Variants in MAD1L1 observed in about 807,000 individuals in gnomAD.
MAD1L1 encodes the protein mitotic spindle assembly checkpoint protein MAD1.
A neutral mutation model predicts 96.9 loss-of-function variants in MAD1L1; 95 were observed. That is an observed-to-expected ratio of 0.98 (90% CI 0.83 to 1.16). MAD1L1 has a LOEUF of 1.16. Among genes scored for constraint, MAD1L1 ranks in the 50% most tolerant of loss-of-function variants. MAD1L1 has a pLI of 0.00. For missense variants in MAD1L1, 1,007 were observed against 954.4 expected (o/e 1.06, Z -0.73); for synonymous variants, 473 against 396.6 (o/e 1.19, Z -2.29).
chr7:2,128,729 G>A (rs1055876009), intron 11 of MAD1L1, among the ~76,000 whole-genome samples: 3 of 152,158 alleles, frequency 2.0e-5, no homozygotes, highest in African/African-American at 4.8e-5. Flanking sequence ...GGCTCCCTCT[G>A]CCCTTCTCAC....
intron 18 of MAD1L1, among the ~76,000 whole-genome samples, chr7:1,885,142 G>T (rs746768525): frequency 6.6e-6 from 1 of 152,148 alleles, no homozygotes; most frequent in East Asian, 1.9e-4. Context: ...CAGGACAGGG[G>T]AAGAGAAAGG....
intron 18 of MAD1L1, among the ~76,000 whole-genome samples, chr7:1,892,570 G>C (rs779401405): frequency 6.6e-6 from 1 of 152,282 alleles, no homozygotes; most frequent in Middle Eastern, 3.4e-3. Flanking sequence ...CATTTCCTTT[G>C]AGTGACAGAC....
intron 16 of MAD1L1, among the ~76,000 whole-genome samples, chr7:1,955,798 T>C (rs765769599): frequency 6.6e-6 from 1 of 152,212 alleles, no homozygotes; most frequent in Non-Finnish European, 1.5e-5. Flanking sequence ...GTTGTCCTGT[T>C]GCATTTTGTT....
chr7:2,033,471 C>T (rs1182258447), intron 12 of MAD1L1, among the ~76,000 whole-genome samples: 7 of 152,224 alleles, frequency 4.6e-5, no homozygotes, highest in Non-Finnish European at 1.0e-4. Context: ...CAAAACGCCA[C>T]TTAAAAACAC....
At chr7:1,936,359 A>G (rs1045659492) in intron 17 of MAD1L1, among the ~76,000 whole-genome samples, 1 of 152,228 alleles carries the variant, frequency 6.6e-6, no homozygotes, top group Non-Finnish European at 1.5e-5. Context: ...GTTTTCGTGG[A>G]GGACTGGATT....
At chr7:2,104,327 A>G (rs1786971995) in intron 11 of MAD1L1, among the ~76,000 whole-genome samples, 3 of 152,222 alleles carry the variant, frequency 2.0e-5, no homozygotes. Context: ...ACACAGGAAG[A>G]CAGCCCCCAC....
At chr7:1,855,165 G>A (rs1209032719) in intron 18 of MAD1L1, among the ~76,000 whole-genome samples, 3 of 152,104 alleles carry the variant, frequency 2.0e-5, no homozygotes, top group Non-Finnish European at 4.4e-5. Flanking sequence ...AGTCCAAGTC[G>A]ACAGCCTCCC....
chr7:1,969,936 G>A (rs868628966), intron 15 of MAD1L1, among the ~76,000 whole-genome samples: 4 of 152,190 alleles, frequency 2.6e-5, no homozygotes, highest in East Asian at 1.9e-4. Context: ...ACCCGTCAGC[G>A]GAGTCAAACC....
chr7:2,225,788 T>C (rs1401384240), intron 3 of MAD1L1, among the ~76,000 whole-genome samples: 1 of 152,202 alleles, frequency 6.6e-6, no homozygotes. Flanking sequence ...AGCATATTAG[T>C]GAAGGCAACG....
At chr7:1,887,606 T>C (rs1404917011) in intron 18 of MAD1L1, among the ~76,000 whole-genome samples, 2 of 150,476 alleles carry the variant, frequency 1.3e-5, no homozygotes, top group Non-Finnish European at 3.0e-5. Context: ...CATGCGTGTA[T>C]GTGGCTGCCT....
chr7:2,131,075 C>T (rs1200386488), intron 11 of MAD1L1, among the ~76,000 whole-genome samples: 1 of 152,210 alleles, frequency 6.6e-6, no homozygotes, highest in Non-Finnish European at 1.5e-5. Context: ...AATAAGCTCT[C>T]TTTAAACTAG....
rs546184016 is a variant in MAD1L1 at position 2,052,399 on chromosome 7, C to T, written c.1218+16795G>A. 8.8e-5 allele frequency among the ~76,000 whole-genome samples: 13 copies of T among 148,218 alleles called. No homozygotes were observed. The South Asian group carries it at 2.5e-3, about 28-fold the overall frequency. ...GCCCAACAGACAGCAAGCAACAGCA[C>T]CCAGGAGGGCGCCGGACAGCTCACT... is the stretch of plus-strand genomic sequence containing the variant. On this transcript the variant is annotated intron_variant, in intron 12 of 18. Transcript: ENST00000265854.
chr7:1,952,558 G>A (rs778267133), intron 16 of MAD1L1, among the ~76,000 whole-genome samples: 27 of 133,044 alleles, frequency 2.0e-4, no homozygotes, highest in Non-Finnish European at 4.0e-4. Flanking sequence ...CTGTGCCCTG[G>A]CTTAGAGCAG....
At chr7:2,076,882 A>C (rs567092437) in intron 11 of MAD1L1, among the ~76,000 whole-genome samples, 1 of 149,398 alleles carries the variant, frequency 6.7e-6, no homozygotes, top group African/African-American at 2.5e-5. Flanking sequence ...TGGCACGGTG[A>C]GCCCAAGACA....
intron 18 of MAD1L1, among the ~76,000 whole-genome samples, chr7:1,881,603 A>G (rs1396375278): frequency 6.6e-6 from 1 of 152,262 alleles, no homozygotes; most frequent in East Asian, 1.9e-4. Context: ...CACAACTGCG[A>G]AATAGCACAT....
chr7:1,965,864 G>A (rs1283883508), intron 15 of MAD1L1, among the ~76,000 whole-genome samples: 6 of 152,270 alleles, frequency 3.9e-5, no homozygotes, highest in African/African-American at 1.4e-4. Flanking sequence ...AGAGCCCCAC[G>A]TCCCTGGAGG....
chr7:2,178,630 C>T (rs1791049507), intron 10 of MAD1L1, among the ~76,000 whole-genome samples: 1 of 152,230 alleles, frequency 6.6e-6, no homozygotes, highest in South Asian at 2.1e-4. Flanking sequence ...GGCACGATGG[C>T]TCACGCCTGT....
chr7:1,994,702 G>A (rs1444737162), intron 14 of MAD1L1, among the ~76,000 whole-genome samples: 25 of 151,966 alleles, frequency 1.6e-4, no homozygotes, highest in Admixed American at 1.5e-3. Flanking sequence ...GAGCTCCCTC[G>A]CCCCTCCCAC....
At chr7:1,874,359 C>A in intron 18 of MAD1L1, 4 of 361,236 alleles carry the variant, frequency 1.1e-5, no homozygotes, top group South Asian at 2.1e-5. Flanking sequence ...GTCAGGGAAG[C>A]GTCTCAGGAG....
Sources: gnomAD v4.1 joint callset for allele counts (sites outside exome capture counted in the v4.1 genomes callset) on GRCh38, gnomAD v4.1.1 for gene constraint, MANE v1.5 for transcripts, NCBI Gene and HGNC (gene_info 2026-07-23, HGNC 2026-07-21) for gene names.